The following DGKK variants were observed in gnomAD, a reference collection of about 807,000 sequenced individuals.
DGKK encodes the protein 142 kDa diacylglycerol kinase.
In DGKK, 35 loss-of-function variants were observed where a neutral mutation model predicts 92.2. The ratio of observed to expected loss-of-function variants is 0.38; its 90% CI spans 0.29 to 0.50. The LOEUF is 0.50. DGKK is among the 20% of genes least tolerant of loss of function. The probability of loss-of-function intolerance (pLI) is 0.92; values close to 1 mark genes in which losing one functional copy is unlikely to be tolerated. For synonymous variants in DGKK, 368 were observed against 360.6 expected, an observed-to-expected ratio of 1.02 and a Z score of -0.23; for missense variants, 910 against 992.2, an observed-to-expected ratio of 0.92 and a Z score of 1.11.
rs1557224056 is a variant in DGKK, at chrX:50,378,248, A to C, written c.2977-16T>G. ...CCTCATGGCACTGCCAGAGAAAATG[A>C]GGAAGAATGGGAGAGAAAAATGGGG... On this transcript the variant is annotated splice_polypyrimidine_tract_variant and intron_variant, in intron 21 of 27. Coordinates refer to ENST00000611977, the MANE Select transcript of DGKK (RefSeq NM_001013742.4). The C allele has an allele frequency of 8.3e-7, 1 of 1,204,292 alleles. No homozygotes were observed. Among genetic ancestry groups the C allele is most frequent in the Admixed American group, 2.2e-5 (1 of 45,156 alleles).
intron 14 of DGKK, among the ~76,000 whole-genome samples, chrX:50,386,933 T>C (rs995555423): frequency 9.0e-6 from 1 of 111,409 alleles, no homozygotes; most frequent in Non-Finnish European, 1.9e-5. Context: ...TGGATTTTCA[T>C]GGGCACGCTC....
At chrX:50,404,247 C>T in intron 4 of DGKK, 63 bp from the exon 5 acceptor site, 4 of 1,125,416 alleles carry the variant, frequency 3.6e-6, no homozygotes, top group South Asian at 2.1e-5. Context: ...TAAAGAGGGC[C>T]TGAAAATCTG....
intron 15 of DGKK, among the ~76,000 whole-genome samples, chrX:50,385,902 G>A (rs1222105098): frequency 1.8e-5 from 2 of 111,967 alleles, no homozygotes; most frequent in Non-Finnish European, 3.8e-5. Flanking sequence ...AGAACTGTCA[G>A]GACCACTCTC....
intron 8 of DGKK, among the ~76,000 whole-genome samples, 194 bp from the exon 9 acceptor site, chrX:50,393,529 G>T (rs1426095993): frequency 6.3e-5 from 7 of 111,562 alleles, no homozygotes; most frequent in African/African-American, 2.3e-4. Flanking sequence ...TCTAGCTGTT[G>T]TCAGACAAAT....
At chrX:50,407,185 A>G (rs1362160652) in intron 4 of DGKK, among the ~76,000 whole-genome samples, 10 of 112,018 alleles carry the variant, frequency 8.9e-5, no homozygotes, top group Non-Finnish European at 1.5e-4. Context: ...GGAGATTTCC[A>G]AGCAAAGTAT....
chrX:50,439,617 A>G (rs1926119128), intron 1 of DGKK, among the ~76,000 whole-genome samples: 2 of 110,942 alleles, frequency 1.8e-5, no homozygotes, highest in Non-Finnish European at 3.8e-5. Context: ...TTTTGCCCCA[A>G]ATTTGGAAGC....
At chrX:50,451,141 G>C (rs1017137990) in intron 1 of DGKK, among the ~76,000 whole-genome samples, 1 of 111,033 alleles carries the variant, frequency 9.0e-6, no homozygotes, top group Non-Finnish European at 1.9e-5. Context: ...ATAAAAAAAT[G>C]GGGCTTTGAA....
intron 1 of DGKK, among the ~76,000 whole-genome samples, chrX:50,451,879 C>A (rs923057190): frequency 8.9e-6 from 1 of 111,877 alleles, no homozygotes; most frequent in Admixed American, 9.5e-5. Flanking sequence ...GATAGCCATC[C>A]TTGTTGTTCT....
At chrX:50,400,919 ACT>A (rs1376674238) in intron 8 of DGKK, 116 bp downstream of exon 8, 1 of 654,946 alleles carries the variant, frequency 1.5e-6, no homozygotes, top group Non-Finnish European at 2.4e-6. Flanking sequence ...GCACAGTCCT[ACT>A]TCCCCAAAAT....
At chrX:50,436,372 T>C (rs1400871337) in intron 1 of DGKK, among the ~76,000 whole-genome samples, 4 of 111,933 alleles carry the variant, frequency 3.6e-5, no homozygotes, top group Non-Finnish European at 7.5e-5. Context: ...GTTTCCCTAA[T>C]GCGTTAATAA....
rs1569544513 is a variant in DGKK, at chrX:50,403,501, G to T, written c.1175C>A (p.Ala392Glu). 2 of 1,208,820 alleles carry T rather than the reference G, an allele frequency of 1.7e-6. No individual in the cohort carries two copies. Among genetic ancestry groups the T allele is most frequent in the Non-Finnish European group, 2.2e-6 (2 of 892,993 alleles). Residue 392 changes from alanine to glutamate, a missense_variant, in exon 6 of 28, where the codon GCA (alanine) becomes GAA (glutamate). Transcript: ENST00000611977. Reference sequence around the variant, plus strand: ...ATGGCTAGTACTTACTACTTCATCTGCAGGCAGAAGGAGGTCATCAGTGAT... The same window carrying T: ...ATGGCTAGTACTTACTACTTCATCTTCAGGCAGAAGGAGGTCATCAGTGAT... ...LSITDDLLLP[A>E]DEVNMPHQWV...
intron 1 of DGKK, among the ~76,000 whole-genome samples, chrX:50,451,549 G>T (rs1557232439): frequency 1.8e-5 from 2 of 111,189 alleles, no homozygotes; most frequent in East Asian, 5.7e-4. Flanking sequence ...TTTATATGTA[G>T]AATATATATA....
intron 1 of DGKK, among the ~76,000 whole-genome samples, chrX:50,431,651 T>C (rs1207389623): frequency 9.0e-6 from 1 of 111,389 alleles, no homozygotes; most frequent in Non-Finnish European, 1.9e-5. Context: ...TTGTCTTTGC[T>C]TGGGTTAGAG....
At position 50,420,444 on chromosome X, in the gene DGKK, T is replaced by C; in HGVS notation, c.901A>G (p.Ile301Val). The stretch of plus-strand genomic sequence containing the variant: ...TGTTGGATGGTTTTTATGATGTTAA[T>C]CCATTCTTCCATGTCTTTCCGGTTG... ...APNRKDMEEWINIIKTIQQGE... is the reference protein window; with the variant it reads ...APNRKDMEEWVNIIKTIQQGE... Residue 301 changes from isoleucine to valine, a missense_variant, in exon 4 of 28, where the codon ATT (isoleucine) becomes GTT (valine). By Grantham distance (29) the Ile-to-Val change is conservative. Transcript: ENST00000611977. 1 of 1,210,851 alleles carries C rather than the reference T, an allele frequency of 8.3e-7. No individual in the cohort carries two copies.
At chrX:50,384,910 G>C (rs914444221) in intron 15 of DGKK, 86 bp from the exon 16 acceptor site, 19 of 655,825 alleles carry the variant, frequency 2.9e-5, no homozygotes, top group Non-Finnish European at 4.2e-5. Flanking sequence ...ATGGAAGGAA[G>C]GAAAGATTAA....
At chrX:50,395,367 AC>A (rs781798245) in intron 8 of DGKK, among the ~76,000 whole-genome samples, 1 of 110,398 alleles carries the variant, frequency 9.1e-6, no homozygotes, top group East Asian at 2.9e-4. Flanking sequence ...TTGGGTATGC[AC>A]CCTAATTAAA....
chrX:50,390,213 T>C (rs1463752889), intron 12 of DGKK, 115 bp downstream of exon 12: 1 of 631,432 alleles, frequency 1.6e-6, no homozygotes, highest in East Asian at 3.3e-5. Context: ...TGTCACCAAC[T>C]CTCAATGATC....
At position 50,394,745 on chromosome X, in the gene DGKK, C is replaced by A. The variant is rs782583781; in HGVS notation, c.1412-1410G>T. Among the ~76,000 whole-genome samples, 10 of 111,105 alleles carry A rather than the reference C, an allele frequency of 9.0e-5. No individual in the cohort carries two copies. In the South Asian group the frequency reaches 1.5e-3, roughly 17 times the overall value. On this transcript the variant is annotated intron_variant, in intron 8 of 27. Transcript: ENST00000611977. ...TTATATTTTAATGGAGGAGACAGAC[C>A]ATAACAAAGAATTATAAAAAAGAAT...
intron 4 of DGKK, among the ~76,000 whole-genome samples, chrX:50,408,277 C>T (rs141342600): frequency 0.018 from 2,012 of 112,448 alleles, 49 homozygotes; most frequent in African/African-American, 0.062. Context: ...AACACCTAGC[C>T]CCAGAGAATT....
Sources: gnomAD v4.1 joint callset for allele counts (sites outside exome capture counted in the v4.1 genomes callset) on GRCh38, gnomAD v4.1.1 for gene constraint, MANE v1.5 for transcripts, NCBI Gene and HGNC (gene_info 2026-07-23, HGNC 2026-07-21) for gene names.